The following KCNQ1 variants were observed in gnomAD, a reference collection of about 807,000 sequenced individuals.
The protein encoded by KCNQ1 is potassium voltage-gated channel subfamily Q member 1, also known as potassium voltage-gated channel subfamily KQT member 1.
KCNQ1 carries 49 observed loss-of-function variants against 72.4 expected under a neutral mutation model. The ratio of observed to expected loss-of-function variants is 0.68; its 90% CI spans 0.54 to 0.86. The LOEUF (loss-of-function observed/expected upper bound fraction) is 0.86, where lower values mean the gene tolerates loss of function less well. KCNQ1 is among the 40% of genes least tolerant of loss of function. The probability of loss-of-function intolerance (pLI) is 0.00; values close to 1 mark genes in which losing one functional copy is unlikely to be tolerated. For synonymous variants in KCNQ1, 450 were observed against 412.6 expected (o/e 1.09, Z -1.10); for missense variants, 790 against 945.1 (o/e 0.84, Z 2.15).
In KCNQ1 at chr11:2,695,132, A is replaced by G; in HGVS notation, c.1514+33051A>G. ...GCAGGAGAGTCATGGAGGCACATTC[A>G]TTCGTTGGTTCTTGGCTTTTGGGAC... On this transcript the variant is annotated intron_variant, in intron 11 of 15. Transcript: ENST00000155840. This position sits in a 1 kb window ranked among gnomAD's most constrained non-coding sequence, Gnocchi z 5.2. 2.5e-6 allele frequency: 1 copy of G among 398,662 alleles called. No homozygotes were observed. The highest frequency in any genetic ancestry group is 4.4e-6 in the Non-Finnish European group (1 of 226,098). 24.7% of individuals were successfully genotyped at this position (398,662 alleles called of 1,614,324 possible).
intron 11 of KCNQ1, chr11:2,692,831 C>T: frequency 5.0e-6 from 2 of 398,648 alleles, no homozygotes; most frequent in Non-Finnish European, 8.8e-6. Flanking sequence ...AATGATCATT[C>T]CCCTGCCTGT....
At chr11:2,773,258 C>T (rs1846631563) in intron 12 of KCNQ1, among the ~76,000 whole-genome samples, 1 of 152,010 alleles carries the variant, frequency 6.6e-6, no homozygotes, top group African/African-American at 2.4e-5. Flanking sequence ...GCTCAGCATC[C>T]CATCTTGCAG....
chr11:2,582,173 C>A (rs1170979406), intron 6 of KCNQ1, among the ~76,000 whole-genome samples: 1 of 152,200 alleles, frequency 6.6e-6, no homozygotes. Flanking sequence ...GCCTCCGAGC[C>A]TCCTGCTGTG....
rs983659756 is a variant in KCNQ1 at position 2,488,544 on chromosome 11, A to G, written c.387-39384A>G. 6.6e-6 allele frequency among the ~76,000 whole-genome samples: 1 copy of G among 152,202 alleles called. No homozygotes were observed. The highest frequency in any genetic ancestry group is 1.5e-5 in the Non-Finnish European group (1 of 68,026). On this transcript the variant is annotated intron_variant, in intron 1 of 15. Coordinates refer to ENST00000155840, the MANE Select transcript of KCNQ1 (RefSeq NM_000218.3). The surrounding 1 kb of genome is among the most constrained non-coding windows in gnomAD (Gnocchi z 5.1). ...CAATCTCCTCACTAGTTATAGGTCC[A>G]TGAAGATTTTGTATTTCTTTGTGAT... is the stretch of plus-strand genomic sequence containing the variant.
At chr11:2,708,929 T>C (rs1010155256) in intron 11 of KCNQ1, among the ~76,000 whole-genome samples, 1 of 152,124 alleles carries the variant, frequency 6.6e-6, no homozygotes, top group East Asian at 1.9e-4. Context: ...GAGTGCAATC[T>C]TTTTTTGGAA....
intron 2 of KCNQ1, among the ~76,000 whole-genome samples, chr11:2,535,548 C>T (rs1365573397): frequency 6.6e-6 from 1 of 152,214 alleles, no homozygotes; most frequent in African/African-American, 2.4e-5. Context: ...CCTTTAGTGA[C>T]ACTGAAGCTG....
rs1276737672 is a variant in KCNQ1 at position 2,587,707 on chromosome 11, T to G, written c.1251+15T>G. The G allele has an allele frequency of 1.2e-6, 2 of 1,613,380 alleles. No individual in the cohort carries two copies. The highest frequency in any genetic ancestry group is 4.5e-5 in the East Asian group (2 of 44,896). On this transcript the variant is annotated intron_variant, in intron 9 of 15. Transcript: ENST00000155840. The stretch of plus-strand genomic sequence containing the variant: ...AGTCTGTGGTGGTGAGTAGCCCACC[T>G]GCCACCAGGGCAGGGCCTTCTTGCT...
chr11:2,795,490 A>G (rs1348649480), intron 15 of KCNQ1, among the ~76,000 whole-genome samples: 3 of 152,246 alleles, frequency 2.0e-5, no homozygotes, highest in African/African-American at 7.2e-5. Flanking sequence ...TGCTAAAGAC[A>G]CAGTCATGCT....
At position 2,657,535 on chromosome 11, in the gene KCNQ1, A is replaced by C. The variant is rs1849871395; in HGVS notation, c.1394-4426A>C. On this transcript the variant is annotated intron_variant, in intron 10 of 15. Transcript: ENST00000155840. The surrounding 1 kb of genome is among the most constrained non-coding windows in gnomAD (Gnocchi z 4.8). ...GAAACAAAAATAGTACCGAGTACCC[A>C]CATCCCTTTCACCAGCTTCCCCTAA... 2.5e-6 allele frequency: 1 copy of C among 398,596 alleles called. No individual in the cohort carries two copies. Among genetic ancestry groups the C allele is most frequent in the Non-Finnish European group, 4.4e-6 (1 of 226,058 alleles). 24.7% of individuals were successfully genotyped at this position (398,596 alleles called of 1,614,324 possible). A position where few individuals can be genotyped will look rare whatever the true frequency, so the allele number is the denominator to read the frequency against.
intron 11 of KCNQ1, chr11:2,667,206 G>GC (rs1214375461): frequency 1.0e-5 from 4 of 398,588 alleles, no homozygotes; most frequent in African/African-American, 2.1e-5. Context: ...GCCCCCCGTG[G>GC]CCCCCTAACC....
At chr11:2,799,100 C>G (rs1590096538) in intron 15 of KCNQ1, among the ~76,000 whole-genome samples, 1 of 152,224 alleles carries the variant, frequency 6.6e-6, no homozygotes. Flanking sequence ...GAAGAGGACA[C>G]CAGCTGGCGA....
rs1262077990 is a variant in KCNQ1, at chr11:2,715,454, C to T, written c.1514+53373C>T. On this transcript the variant is annotated intron_variant, in intron 11 of 15. Transcript: ENST00000155840. This position sits in a 1 kb window ranked among gnomAD's most constrained non-coding sequence, Gnocchi z 4.9. Reference sequence around the variant, plus strand: ...GGAATGGGGGGAGGCCAGGGAGGACCCCCTGCAGCCTGGCTCAGGCAGGGG... The same window carrying T: ...GGAATGGGGGGAGGCCAGGGAGGACTCCCTGCAGCCTGGCTCAGGCAGGGG... 6.6e-6 allele frequency among the ~76,000 whole-genome samples: 1 copy of T among 152,018 alleles called. No homozygotes were observed. Among genetic ancestry groups the T allele is most frequent in the African/African-American group, 2.4e-5 (1 of 41,380 alleles).
intron 6 of KCNQ1, among the ~76,000 whole-genome samples, chr11:2,577,636 G>T (rs2133741204): frequency 6.6e-6 from 1 of 152,318 alleles, no homozygotes; most frequent in East Asian, 1.9e-4. Context: ...TTTATTTTGG[G>T]GTGTGTGTCT....
chr11:2,845,101 G>A (rs1352620499), intron 15 of KCNQ1, among the ~76,000 whole-genome samples: 2 of 152,198 alleles, frequency 1.3e-5, no homozygotes, highest in African/African-American at 4.8e-5. Context: ...CCAGGCATGA[G>A]CAGGTCGTGG....
At position 2,671,226 on chromosome 11, in the gene KCNQ1, A is replaced by AGTCC; in HGVS notation, c.1514+9146_1514+9149dup. 1 of 398,656 alleles carries AGTCC rather than the reference A, an allele frequency of 2.5e-6. No individual in the cohort carries two copies. Among genetic ancestry groups the AGTCC allele is most frequent in the Non-Finnish European group, 4.4e-6 (1 of 226,078 alleles). 24.7% of individuals were successfully genotyped at this position (398,656 alleles called of 1,614,324 possible). ...AGGTAGAGAGACAGAGGTAGACAGG[A>AGTCC]GTCCAGGTCTGACCTCAAAATCCGA... On this transcript the variant is annotated intron_variant, in intron 11 of 15. Transcript: ENST00000155840. The surrounding 1 kb of genome is among the most constrained non-coding windows in gnomAD (Gnocchi z 4.7).
intron 1 of KCNQ1, among the ~76,000 whole-genome samples, chr11:2,460,000 G>A (rs1431856777): frequency 6.6e-6 from 1 of 152,170 alleles, no homozygotes; most frequent in African/African-American, 2.4e-5. Flanking sequence ...TCTCCTCTAG[G>A]CTCCAGAGCC....
chr11:2,638,145 G>C (rs1429298297), intron 10 of KCNQ1: 2 of 152,164 alleles, frequency 1.3e-5, no homozygotes, highest in African/African-American at 4.8e-5. Flanking sequence ...TTGCCAGTCT[G>C]TGTCTTTTAA....
rs886048172 is a variant in KCNQ1, at chr11:2,848,557, T to G, written c.*554T>G. Reference sequence around the variant, plus strand: ...CTCACTCTCAGGAAATGCTGACCCATGGGCAGGAGACTGTGGAGACTGCTC... The same window carrying G: ...CTCACTCTCAGGAAATGCTGACCCAGGGGCAGGAGACTGTGGAGACTGCTC... On this transcript the variant is annotated 3_prime_UTR_variant, in exon 16 of 16. Coordinates refer to ENST00000155840, the MANE Select transcript of KCNQ1 (RefSeq NM_000218.3). 2.9e-5 allele frequency: 13 copies of G among 454,140 alleles called. No homozygotes were observed. Among genetic ancestry groups the G allele is most frequent in the South Asian group, 4.7e-5 (3 of 64,484 alleles). 28.1% of individuals were successfully genotyped at this position (454,140 alleles called of 1,614,324 possible).
Position 2,624,176 on chromosome 11 carries a change from G to A in KCNQ1, c.1393+35322G>A, listed in dbSNP as rs1589988171. 33 of 398,468 alleles carry A rather than the reference G, an allele frequency of 8.3e-5. No individual in the cohort carries two copies. In the East Asian group the frequency reaches 1.2e-3, roughly 14 times the overall value. 24.7% of individuals were successfully genotyped at this position (398,468 alleles called of 1,614,324 possible). Reference sequence around the variant, plus strand: ...CCATTTCCCTAATGACGTAAGATGTGGGGCATCTTTTCATATACTTAGTTG... The same window carrying A: ...CCATTTCCCTAATGACGTAAGATGTAGGGCATCTTTTCATATACTTAGTTG... On this transcript the variant is annotated intron_variant, in intron 10 of 15. Transcript: ENST00000155840. This position sits in a 1 kb window ranked among gnomAD's most constrained non-coding sequence, Gnocchi z 4.9.
Sources: gnomAD v4.1 joint callset for allele counts (sites outside exome capture counted in the v4.1 genomes callset) on GRCh38, gnomAD v4.1.1 for gene constraint, Gnocchi (gnomAD v3.1) non-coding constraint, MANE v1.5 for transcripts, NCBI Gene and HGNC (gene_info 2026-07-23, HGNC 2026-07-21) for gene names.